The following NLGN1 variants were observed in gnomAD, a reference collection of about 807,000 sequenced individuals.
The protein encoded by NLGN1 is neuroligin-1.
A neutral mutation model predicts 65.5 loss-of-function variants in NLGN1; 12 were observed. The ratio of observed to expected loss-of-function variants is 0.18; its 90% CI spans 0.12 to 0.30. NLGN1 has a LOEUF of 0.30. Ranked by LOEUF, NLGN1 falls within the 10% of genes least tolerant of loss-of-function variation. The pLI is 1.00. For synonymous variants in NLGN1, 350 were observed against 359.5 expected (o/e 0.97, Z 0.30); for missense variants, 750 against 1,007.1 (o/e 0.74, Z 3.46).
intron 3 of NLGN1, among the ~76,000 whole-genome samples, chr3:173,756,133 TACACAA>T (rs147792696): frequency 0.62 from 92,863 of 149,072 alleles, 32,846 homozygotes; most frequent in East Asian, 0.89. Flanking sequence ...TTTGGGATTT[TACACAA>T]TCACATTTAC....
At chr3:173,738,005 G>A (rs1774051643) in intron 3 of NLGN1, among the ~76,000 whole-genome samples, 1 of 152,046 alleles carries the variant, frequency 6.6e-6, no homozygotes, top group African/African-American at 2.4e-5. Flanking sequence ...GAAGGCTAAT[G>A]ATGTTGAGAA....
At position 173,421,067 on chromosome 3, in the gene NLGN1, A is replaced by G. The variant is rs151180501; in HGVS notation, c.-389-13943A>G. ...CTTCTAAGTGTATTGTAAAATATTC[A>G]TCAAGTTAAAAATAATAATACAATT... On this transcript the variant is annotated intron_variant, in intron 1 of 6. Transcript: ENST00000457714. Among the ~76,000 whole-genome samples, 865 of 152,260 alleles carry G rather than the reference A, an allele frequency of 5.7e-3. 12 individuals carry two copies. The highest frequency in any genetic ancestry group is 0.02 in the African/African-American group (823 of 41,554).
chr3:173,883,177 A>G (rs1578974335), intron 4 of NLGN1, among the ~76,000 whole-genome samples: 1 of 151,566 alleles, frequency 6.6e-6, no homozygotes, highest in South Asian at 2.1e-4. Flanking sequence ...TTAAAGTGAG[A>G]CATGTGTGAC....
chr3:173,917,841 T>TTGTGTGTGTGTGTG (rs145802137), intron 4 of NLGN1, among the ~76,000 whole-genome samples: 4,838 of 146,440 alleles, frequency 0.033, 101 homozygotes, highest in African/African-American at 0.04. Flanking sequence ...CAAAGCAACA[T>TTGTGTGTGTGTGTG]TGTGTGTGTG....
chr3:174,058,466 A>G (rs544338094), intron 4 of NLGN1, among the ~76,000 whole-genome samples: 60 of 152,198 alleles, frequency 3.9e-4, no homozygotes, highest in African/African-American at 1.4e-3. Flanking sequence ...CCATGTTACA[A>G]CACAGAGAGA....
At position 174,113,507 on chromosome 3, in the gene NLGN1, A is replaced by G. The variant is rs905794756; in HGVS notation, c.647-161808A>G. 2.0e-4 allele frequency among the ~76,000 whole-genome samples: 30 copies of G among 152,122 alleles called. 2 individuals are homozygous for G. Among genetic ancestry groups the G allele is most frequent in the Admixed American group, 1.9e-3 (29 of 15,260 alleles). On this transcript the variant is annotated intron_variant, in intron 4 of 6. Transcript: ENST00000457714. Reference sequence around the variant, plus strand: ...TCAGTAAAAACTGATTTAAAACTTTATAGAACTATAACTTTCTTATCATTC... The same window carrying G: ...TCAGTAAAAACTGATTTAAAACTTTGTAGAACTATAACTTTCTTATCATTC...
intron 4 of NLGN1, among the ~76,000 whole-genome samples, chr3:174,154,985 T>TAATATAA (rs1561175061): frequency 1.5e-5 from 2 of 137,476 alleles, no homozygotes; most frequent in African/African-American, 5.4e-5. Flanking sequence ...ATATATTATA[T>TAATATAA]TATATATTAT....
intron 4 of NLGN1, among the ~76,000 whole-genome samples, chr3:173,965,089 A>G (rs1714520999): frequency 6.6e-6 from 1 of 152,116 alleles, no homozygotes; most frequent in Non-Finnish European, 1.5e-5. Context: ...TTTTTAATAA[A>G]GAAGTCTGTG....
intron 4 of NLGN1, among the ~76,000 whole-genome samples, chr3:174,264,771 G>C (rs1413183031): frequency 6.6e-6 from 1 of 151,964 alleles, no homozygotes; most frequent in Non-Finnish European, 1.5e-5. Flanking sequence ...GATTTTTAGA[G>C]TTTCCAGTTT....
At chr3:174,221,873 C>T (rs1352755029) in intron 4 of NLGN1, among the ~76,000 whole-genome samples, 2 of 152,024 alleles carry the variant, frequency 1.3e-5, no homozygotes, top group Admixed American at 6.6e-5. Flanking sequence ...ACATGGACTT[C>T]TCTGTGTCTC....
At chr3:173,956,163 CT>C in intron 4 of NLGN1, among the ~76,000 whole-genome samples, 1 of 151,864 alleles carries the variant, frequency 6.6e-6, no homozygotes. Context: ...TTGTCCAAGC[CT>C]GTCTTTTTAA....
At chr3:173,727,695 A>G (rs1031050354) in intron 3 of NLGN1, among the ~76,000 whole-genome samples, 1 of 152,154 alleles carries the variant, frequency 6.6e-6, no homozygotes, top group Non-Finnish European at 1.5e-5. Flanking sequence ...CAAATTCTTT[A>G]TCCTTTATTC....
chr3:173,726,254 TA>T (rs1390642728), intron 3 of NLGN1, among the ~76,000 whole-genome samples: 1 of 151,534 alleles, frequency 6.6e-6, no homozygotes, highest in Non-Finnish European at 1.5e-5. Flanking sequence ...TAGGAAGGAG[TA>T]AAATTTTGGT....
chr3:173,795,949 C>T (rs1713965726), intron 3 of NLGN1, among the ~76,000 whole-genome samples: 1 of 152,060 alleles, frequency 6.6e-6, no homozygotes, highest in African/African-American at 2.4e-5. Flanking sequence ...AGGTCAATAG[C>T]CAGGGCTTTC....
At chr3:173,539,441 A>G (rs971593622) in intron 2 of NLGN1, among the ~76,000 whole-genome samples, 9 of 146,262 alleles carry the variant, frequency 6.2e-5, no homozygotes, top group Non-Finnish European at 9.0e-5. Context: ...ATATATATGT[A>G]CATGTATATA....
intron 4 of NLGN1, among the ~76,000 whole-genome samples, chr3:173,973,836 TA>T (rs957451166): frequency 6.6e-6 from 1 of 152,080 alleles, no homozygotes; most frequent in African/African-American, 2.4e-5. Context: ...TTATTAGTGA[TA>T]AAACCACATT....
rs565119644 is a variant in NLGN1 at position 173,501,816 on chromosome 3, AT to A, written c.-321+66740del. ...GATAGAAGATTTTTATCAAAAGGAA[AT>A]TGATTTTTCTCTTTCTTATTAAATA... is the stretch of plus-strand genomic sequence containing the variant. On this transcript the variant is annotated intron_variant, in intron 2 of 6. Transcript: ENST00000457714. 1.4e-4 allele frequency among the ~76,000 whole-genome samples: 22 copies of A among 152,132 alleles called. No homozygotes were observed. In the East Asian group the frequency reaches 4.2e-3, roughly 29 times the overall value.
At chr3:174,014,243 T>C (rs1726107730) in intron 4 of NLGN1, among the ~76,000 whole-genome samples, 1 of 152,230 alleles carries the variant, frequency 6.6e-6, no homozygotes, top group South Asian at 2.1e-4. Context: ...ATATGTAAAC[T>C]ACATTGTTGT....
chr3:174,282,821 A>AT (rs890523337), exon 7 of NLGN1: 1 of 151,732 alleles, frequency 6.6e-6, no homozygotes, highest in Non-Finnish European at 1.5e-5. Flanking sequence ...TTTTTTTTAC[A>AT]TTTTTTCAGA....
Sources: allele counts gnomAD v4.1 joint callset (sites outside exome capture counted in the v4.1 genomes callset), GRCh38; gene constraint gnomAD v4.1.1; transcripts MANE v1.5; gene names NCBI Gene and HGNC (gene_info 2026-07-23, HGNC 2026-07-21).